GNG7: variants seen among roughly 807,000 people sequenced by gnomAD.
The protein encoded by GNG7 is guanine nucleotide-binding protein G(I)/G(S)/G(O) subunit gamma-7.
A neutral mutation model predicts 4.0 loss-of-function variants in GNG7; 1 was observed. The observed-to-expected ratio is 0.25, with a 90% CI of 0.09 to 1.18. The LOEUF is 1.18. Ranked by LOEUF, GNG7 falls within the 50% of genes most tolerant of loss-of-function variation. The probability of loss-of-function intolerance (pLI) is 0.50; values close to 1 mark genes in which losing one functional copy is unlikely to be tolerated. For missense variants in GNG7, 86 were observed against 91.9 expected (o/e 0.94, Z 0.26); for synonymous variants, 34 against 36.9 (o/e 0.92, Z 0.29).
At chr19:2,638,218 C>T (rs1263510096) in intron 2 of GNG7, among the ~76,000 whole-genome samples, 2 of 150,972 alleles carry the variant, frequency 1.3e-5, no homozygotes, top group Non-Finnish European at 3.0e-5. Context: ...CAAAAGTTAG[C>T]CGGGCGTGGT....
chr19:2,687,061 C>CTTT (rs762806942), intron 1 of GNG7, among the ~76,000 whole-genome samples: 1 of 137,482 alleles, frequency 7.3e-6, no homozygotes, highest in African/African-American at 2.6e-5. Flanking sequence ...CACTTTTTTT[C>CTTT]TTTTTTTTTT....
intron 1 of GNG7, among the ~76,000 whole-genome samples, chr19:2,695,407 C>T (rs755834605): frequency 3.3e-5 from 5 of 152,294 alleles, no homozygotes; most frequent in East Asian, 1.9e-4. Context: ...GCCATCTCCA[C>T]GGCCCCCACA....
intron 4 of GNG7, among the ~76,000 whole-genome samples, chr19:2,518,510 G>C (rs1454864896): frequency 6.6e-6 from 1 of 152,206 alleles, no homozygotes; most frequent in African/African-American, 2.4e-5. Context: ...GCCAGCAGCA[G>C]CGTGATGGGG....
chr19:2,600,567 G>T (rs887580511), intron 2 of GNG7, among the ~76,000 whole-genome samples: 4 of 151,144 alleles, frequency 2.6e-5, no homozygotes, highest in African/African-American at 9.7e-5. Context: ...CGCCTCCTGG[G>T]TTCAAGTGAT....
chr19:2,551,589 G>GTATTTATAAAAATATAAA lies in GNG7; in HGVS notation c.-38+3559_-38+3560insTTTATATTTTTATAAATA, dbSNP rs1421883737. 2.1e-5 allele frequency among the ~76,000 whole-genome samples: 3 copies of GTATTTATAAAAATATAAA among 145,756 alleles called. 1 individual carries two copies. The highest frequency in any genetic ancestry group is 1.4e-4 in the Admixed American group (2 of 14,538). On this transcript the variant is annotated intron_variant, in intron 3 of 4. Transcript: ENST00000382159. ...TCTATTATCTATAATATATAAATAT[G>GTATTTATAAAAATATAAA]CATTTATAAATATATAAACAAATAT...
chr19:2,643,139 C>T (rs976203801), intron 2 of GNG7: 8 of 453,786 alleles, frequency 1.8e-5, no homozygotes, highest in African/African-American at 1.4e-4. Flanking sequence ...CTCTGCACAC[C>T]TTCCCACCCT....
chr19:2,528,498 G>A (rs6510679), intron 3 of GNG7, among the ~76,000 whole-genome samples: 7,301 of 125,282 alleles, frequency 0.058, 583 homozygotes, highest in African/African-American at 0.2. Flanking sequence ...CAGGAGAATG[G>A]TCTCAAAAAA....
chr19:2,607,601 A>C (rs1195366990), intron 2 of GNG7, among the ~76,000 whole-genome samples: 2 of 146,158 alleles, frequency 1.4e-5, no homozygotes, highest in African/African-American at 5.0e-5. Flanking sequence ...AAGAAAAAAG[A>C]AAAAGAAATA....
intron 1 of GNG7, among the ~76,000 whole-genome samples, chr19:2,651,570 TCTC>T (rs1982831785): frequency 4.1e-5 from 6 of 148,000 alleles, no homozygotes; most frequent in Admixed American, 2.7e-4. Context: ...TCTCTCTCTC[TCTC>T]TCTTTTTTTT....
intron 2 of GNG7, among the ~76,000 whole-genome samples, chr19:2,619,657 A>G (rs541444992): frequency 6.6e-6 from 1 of 152,250 alleles, no homozygotes; most frequent in Admixed American, 6.5e-5. Flanking sequence ...CTATGAAAGG[A>G]GCCAGAGACA....
intron 2 of GNG7, among the ~76,000 whole-genome samples, chr19:2,562,071 C>CT (rs1292822147): frequency 1.3e-5 from 2 of 152,044 alleles, no homozygotes; most frequent in Non-Finnish European, 2.9e-5. Flanking sequence ...TGAGAAGTCT[C>CT]TCTGCGTTCT....
intron 2 of GNG7, among the ~76,000 whole-genome samples, chr19:2,607,737 C>T (rs1390261212): frequency 3.9e-5 from 6 of 152,136 alleles, no homozygotes; most frequent in Non-Finnish European, 7.4e-5. Context: ...CCGTGCCCTC[C>T]GCCCCCCGCC....
At chr19:2,640,119 G>GGGGAGGAGGGA (rs895446552) in intron 2 of GNG7, among the ~76,000 whole-genome samples, 2 of 115,194 alleles carry the variant, frequency 1.7e-5, no homozygotes, top group African/African-American at 3.4e-5. Context: ...GAGGGAGGGA[G>GGGGAGGAGGGA]GGGAGGAGGG....
intron 4 of GNG7, among the ~76,000 whole-genome samples, chr19:2,519,219 C>T (rs1241145814): frequency 8.8e-5 from 12 of 136,090 alleles, no homozygotes; most frequent in Non-Finnish European, 9.2e-5. Context: ...GGTGCGATCT[C>T]GGCTCACTGC....
Position 2,614,428 on chromosome 19 carries a change from C to T in GNG7, c.-78+31796G>A, listed in dbSNP as rs1336449124. Among the ~76,000 whole-genome samples, 1 of 152,202 alleles carries T rather than the reference C, an allele frequency of 6.6e-6. No individual in the cohort carries two copies. Among genetic ancestry groups the T allele is most frequent in the Admixed American group, 6.5e-5 (1 of 15,274 alleles). On this transcript the variant is annotated intron_variant, in intron 2 of 4. Coordinates refer to ENST00000382159, the MANE Select transcript of GNG7 (RefSeq NM_052847.3). This position sits in a 1 kb window ranked among gnomAD's most constrained non-coding sequence, Gnocchi z 6.0. ...TCAGCCCCCCAAAAAGACACCCCAT[C>T]CCTATCAGCTGTCACTTCCCATCCC... is the stretch of plus-strand genomic sequence containing the variant.
intron 3 of GNG7, among the ~76,000 whole-genome samples, chr19:2,549,294 T>TC (rs58241655): frequency 1.7e-4 from 7 of 41,516 alleles, no homozygotes; most frequent in Non-Finnish European, 2.8e-4. Context: ...CAGGGCTGTG[T>TC]TTTTTTTTTT....
intron 4 of GNG7, among the ~76,000 whole-genome samples, chr19:2,515,717 C>T (rs539202986): frequency 3.8e-4 from 58 of 152,052 alleles, no homozygotes; most frequent in African/African-American, 1.3e-3. Flanking sequence ...TGAGCCACTG[C>T]GCCCGGCCGT....
chr19:2,567,109 C>G (rs1269991850), intron 2 of GNG7, among the ~76,000 whole-genome samples: 2 of 30,304 alleles, frequency 6.6e-5, no homozygotes, highest in Admixed American at 3.6e-4. Flanking sequence ...GAGACTCCGT[C>G]TCAAAAAAAA....
In GNG7 at chr19:2,657,352, AAAAAAAAAAATATATATATATAT is replaced by A. The variant is rs1407490018; in HGVS notation, c.-134-11095_-134-11073del. ...CCGTCTCAATTAAAAAAAAAAAAAA[AAAAAAAAAAATATATATATATAT>A]ATATATATATATATATATATATATA... On this transcript the variant is annotated intron_variant, in intron 1 of 4. Coordinates refer to ENST00000382159, the MANE Select transcript of GNG7 (RefSeq NM_052847.3). Among the ~76,000 whole-genome samples the A allele has an allele frequency of 2.8e-3, 66 of 23,342 alleles. 6 individuals carry two copies. Among genetic ancestry groups the A allele is most frequent in the Non-Finnish European group, 5.2e-3 (51 of 9,760 alleles). 15.3% of individuals were successfully genotyped at this position (23,342 alleles called of 152,430 possible).
Sources: allele counts gnomAD v4.1 joint callset (sites outside exome capture counted in the v4.1 genomes callset), GRCh38; gene constraint gnomAD v4.1.1; non-coding constraint Gnocchi (gnomAD v3.1); transcripts MANE v1.5; gene names NCBI Gene and HGNC (gene_info 2026-07-23, HGNC 2026-07-21).